Variants in SLC16A12 observed in about 807,000 individuals in gnomAD.
SLC16A12 encodes solute carrier family 16 member 12.
In SLC16A12, 17 loss-of-function variants were observed where a neutral mutation model predicts 42.4. The ratio of observed to expected loss-of-function variants is 0.40; its 90% CI spans 0.27 to 0.60. The LOEUF (loss-of-function observed/expected upper bound fraction) is 0.60, where lower values mean the gene tolerates loss of function less well. Ranked by LOEUF, SLC16A12 falls within the 20% of genes least tolerant of loss-of-function variation. The pLI is 0.42. For synonymous variants in SLC16A12, 224 were observed against 229.4 expected (o/e 0.98, Z 0.21); for missense variants, 544 against 623.0 (o/e 0.87, Z 1.35).
chr10:89,555,698 C>CATATATAT (rs57404736), intron 2 of SLC16A12, among the ~76,000 whole-genome samples: 1 of 124,658 alleles, frequency 8.0e-6, no homozygotes, highest in African/African-American at 3.0e-5. Context: ...CACATATATA[C>CATATATAT]ATATATATAT....
intron 2 of SLC16A12, among the ~76,000 whole-genome samples, chr10:89,474,344 A>T (rs531055149): frequency 1.3e-5 from 2 of 152,270 alleles, no homozygotes; most frequent in Non-Finnish European, 2.9e-5. Context: ...GCATGCACAC[A>T]CACGCACCCA....
intron 2 of SLC16A12, among the ~76,000 whole-genome samples, chr10:89,483,745 AAAAAAAAAC>A (rs1363527160): frequency 4.0e-5 from 6 of 149,050 alleles, no homozygotes; most frequent in African/African-American, 1.5e-4. Context: ...CTCTAAAAAA[AAAAAAAAAC>A]AAAAAAAAAA....
chr10:89,433,153 C>T lies in SLC16A12; in HGVS notation c.1462G>A (p.Gly488Arg). 6.2e-7 allele frequency: 1 copy of T among 1,614,176 alleles called. No homozygotes were observed. The highest frequency in any genetic ancestry group is 8.5e-7 in the Non-Finnish European group (1 of 1,180,038). ...CTTGCCACAGAATAAGCCACTGATC[C>T]ATTGGTCCATAGCTGCAGCTTAGGA... ...SDPKLQLWTNGSVAYSVAREL... is the reference protein window; with the variant it reads ...SDPKLQLWTNRSVAYSVAREL... The change falls in exon 8 of 8, where the codon GGA becomes AGA. Residue 488 changes from glycine to arginine, a missense_variant. Physicochemically the swap from Gly to Arg is moderately radical, Grantham distance 125. Transcript: ENST00000371790.
intron 2 of SLC16A12, among the ~76,000 whole-genome samples, chr10:89,554,026 GAGAAAGGA>G (rs1265644386): frequency 5.0e-5 from 5 of 99,574 alleles, no homozygotes; most frequent in African/African-American, 1.2e-4. Context: ...GAAAGAAAGA[GAGAAAGGA>G]AGAAAGAAAG....
At chr10:89,526,258 T>G (rs1843450166) in intron 2 of SLC16A12, among the ~76,000 whole-genome samples, 1 of 152,160 alleles carries the variant, frequency 6.6e-6, no homozygotes, top group Non-Finnish European at 1.5e-5. Flanking sequence ...CACATTTGGT[T>G]AACGTGAATA....
At chr10:89,513,588 T>C (rs190831358) in intron 2 of SLC16A12, among the ~76,000 whole-genome samples, 157 of 152,330 alleles carry the variant, frequency 1.0e-3, no homozygotes, top group African/African-American at 3.4e-3. Flanking sequence ...ACTTAATATA[T>C]TTATAAAATG....
At chr10:89,465,780 C>T (rs1427869427) in intron 2 of SLC16A12, among the ~76,000 whole-genome samples, 1 of 152,174 alleles carries the variant, frequency 6.6e-6, no homozygotes, top group African/African-American at 2.4e-5. Context: ...GGCCCAGTCC[C>T]TTGGTTTAGG....
chr10:89,509,152 A>G (rs1843121080), intron 2 of SLC16A12, among the ~76,000 whole-genome samples: 1 of 152,204 alleles, frequency 6.6e-6, no homozygotes, highest in Admixed American at 6.5e-5. Flanking sequence ...TCACAGCCGA[A>G]TTCTACCAGA....
chr10:89,461,816 A>G (rs1434165231), intron 3 of SLC16A12, among the ~76,000 whole-genome samples: 1 of 152,200 alleles, frequency 6.6e-6, no homozygotes, highest in Non-Finnish European at 1.5e-5. Context: ...TCAGGTATGC[A>G]TTTACCAATC....
rs149764571 is a variant in SLC16A12 at position 89,523,089 on chromosome 10, C to T, written c.-47+11412G>A. ...TCTTGCCAGCTAGTATCCTTTACTA[C>T]TTTTTCTGTATTTTGAACCTAGACC... On this transcript the variant is annotated intron_variant, in intron 2 of 7. Coordinates refer to ENST00000371790, the MANE Select transcript of SLC16A12 (RefSeq NM_213606.4). Among the ~76,000 whole-genome samples, 190 of 152,272 alleles carry T rather than the reference C, an allele frequency of 1.2e-3. 1 individual carries two copies. The Middle Eastern group carries it at 0.044, about 35-fold the overall frequency.
chr10:89,488,564 T>C (rs1488190835), intron 2 of SLC16A12, among the ~76,000 whole-genome samples: 2 of 152,148 alleles, frequency 1.3e-5, no homozygotes, highest in African/African-American at 4.8e-5. Flanking sequence ...TCAGTGAACC[T>C]CAAATAAGTT....
chr10:89,537,153 T>G (rs71479022), upstream of SLC16A12, among the ~76,000 whole-genome samples: 14,239 of 150,590 alleles, frequency 0.095, 767 homozygotes, highest in Non-Finnish European at 0.11. Flanking sequence ...ATGTTTTTTT[T>G]TTTTTTTTTT....
chr10:89,445,142 T>C (rs113530510), intron 3 of SLC16A12, among the ~76,000 whole-genome samples: 19,685 of 152,242 alleles, frequency 0.13, 1,392 homozygotes, highest in South Asian at 0.31. Context: ...AGACTTCACC[T>C]CTGGGGGAGG....
intron 3 of SLC16A12, among the ~76,000 whole-genome samples, chr10:89,461,517 T>TTA (rs1842299685): frequency 6.6e-6 from 1 of 152,160 alleles, no homozygotes; most frequent in African/African-American, 2.4e-5. Flanking sequence ...AATGTAAACT[T>TTA]TATAATCATA....
At chr10:89,486,668 G>GA (rs1248221478) in intron 2 of SLC16A12, among the ~76,000 whole-genome samples, 72 of 58,386 alleles carry the variant, frequency 1.2e-3, no homozygotes, top group South Asian at 4.2e-3. Flanking sequence ...AGAAAGAAAA[G>GA]AAAGAAAGAA....
At chr10:89,475,580 T>G (rs1018851869) in intron 2 of SLC16A12, among the ~76,000 whole-genome samples, 4 of 152,238 alleles carry the variant, frequency 2.6e-5, no homozygotes, top group Non-Finnish European at 5.9e-5. Flanking sequence ...GATGTGCTTA[T>G]TTTTCCTTTC....
chr10:89,467,928 G>A (rs1842430702), intron 2 of SLC16A12: 1 of 152,078 alleles, frequency 6.6e-6, no homozygotes, highest in Non-Finnish European at 1.5e-5. Context: ...CAAGCCCCTG[G>A]CAAAATAAAA....
chr10:89,511,152 C>T lies in SLC16A12; in HGVS notation c.-47+23349G>A, dbSNP rs138308163. Among the ~76,000 whole-genome samples the T allele has an allele frequency of 7.1e-3, 1,075 of 152,256 alleles. 11 individuals carry two copies. The highest frequency in any genetic ancestry group is 0.024 in the African/African-American group (1,012 of 41,558). On this transcript the variant is annotated intron_variant, in intron 2 of 7. Coordinates refer to ENST00000371790, the MANE Select transcript of SLC16A12 (RefSeq NM_213606.4). ...TGGTGGGAGCGTAAATTAGTTCAAC[C>T]ATTGTGGAAGACAGTGTGGTGACTC...
intron 2 of SLC16A12, among the ~76,000 whole-genome samples, chr10:89,496,050 G>T (rs909133753): frequency 1.3e-5 from 2 of 152,000 alleles, no homozygotes; most frequent in African/African-American, 4.8e-5. Context: ...TCATCAAATA[G>T]TTAAGAAATT....
Sources: allele counts gnomAD v4.1 joint callset (sites outside exome capture counted in the v4.1 genomes callset), GRCh38; gene constraint gnomAD v4.1.1; transcripts MANE v1.5; gene names NCBI Gene and HGNC (gene_info 2026-07-23, HGNC 2026-07-21).